The following INTS6L variants were observed in gnomAD, a reference collection of about 807,000 sequenced individuals.
INTS6L encodes the protein integrator complex subunit 6-like.
INTS6L carries 18 observed loss-of-function variants against 64.7 expected under a neutral mutation model. The ratio of observed to expected loss-of-function variants is 0.28; its 90% CI spans 0.19 to 0.41. The LOEUF (loss-of-function observed/expected upper bound fraction) is 0.41. Among genes scored for constraint, INTS6L ranks in the 10% least tolerant of loss-of-function variants. The probability of loss-of-function intolerance (pLI) is 1.00; values close to 1 mark genes in which losing one functional copy is unlikely to be tolerated. For synonymous variants in INTS6L, 227 were observed against 235.9 expected, an observed-to-expected ratio of 0.96 and a Z score of 0.34; for missense variants, 533 against 661.0, an observed-to-expected ratio of 0.81 and a Z score of 2.12.
chrX:135,540,091 T>TA (rs1301935697), intron 2 of INTS6L, among the ~76,000 whole-genome samples: 3 of 112,205 alleles, frequency 2.7e-5, no homozygotes, highest in African/African-American at 6.5e-5. Context: ...ATTCAATTTG[T>TA]AAAAAATGCA....
At chrX:135,549,029 G>A (rs183361393) in intron 6 of INTS6L, among the ~76,000 whole-genome samples, 69 of 111,843 alleles carry the variant, frequency 6.2e-4, no homozygotes, top group Non-Finnish European at 2.1e-4. Flanking sequence ...ATTAGTCCAC[G>A]ATAAACTTGA....
At chrX:135,550,315 G>A (rs1366632151) in intron 7 of INTS6L, among the ~76,000 whole-genome samples, 1 of 111,443 alleles carries the variant, frequency 9.0e-6, no homozygotes, top group African/African-American at 3.3e-5. Flanking sequence ...TTCAATGATG[G>A]GTAATTAAGC....
chrX:135,581,851 C>T lies in INTS6L; in HGVS notation c.*215C>T, dbSNP rs2087378515. On this transcript the variant is annotated 3_prime_UTR_variant, in exon 18 of 18. Coordinates refer to ENST00000639893, the MANE Select transcript of INTS6L (RefSeq NM_001351601.3). Reference sequence around the variant, plus strand: ...AGTATGAATTGTTTTGTTTTGTTTTCCTCAATTGAGGAAGCTGATGTTATT... The same window carrying T: ...AGTATGAATTGTTTTGTTTTGTTTTTCTCAATTGAGGAAGCTGATGTTATT... 2 of 338,572 alleles carry T rather than the reference C, an allele frequency of 5.9e-6. No homozygotes were observed. The highest frequency in any genetic ancestry group is 5.9e-5 in the Admixed American group (1 of 16,993). 27.9% of individuals were successfully genotyped at this position (338,572 alleles called of 1,213,427 possible).
At chrX:135,549,608 T>C in intron 6 of INTS6L, 34 bp from the exon 7 acceptor site, 1 of 1,183,385 alleles carries the variant, frequency 8.5e-7, no homozygotes, top group Non-Finnish European at 1.1e-6. Flanking sequence ...AAAAAGAAAC[T>C]CACGCCTTAG....
At chrX:135,521,216 C>A (rs1556496482) in intron 1 of INTS6L, 25 bp from the exon 2 acceptor site, 4 of 1,201,268 alleles carry the variant, frequency 3.3e-6, no homozygotes, top group African/African-American at 1.8e-5. Flanking sequence ...CTACGCGACC[C>A]CCTCCGTCAT....
At chrX:135,530,030 A>G (rs1343842271) in intron 2 of INTS6L, among the ~76,000 whole-genome samples, 1 of 111,670 alleles carries the variant, frequency 9.0e-6, no homozygotes, top group African/African-American at 3.3e-5. Flanking sequence ...TCTCCTATCA[A>G]TTGTGACAGA....
rs906417449 is a variant in INTS6L at position 135,561,092 on chromosome X, C to T, written c.1192+4792C>T. Among the ~76,000 whole-genome samples, 6 of 106,925 alleles carry T rather than the reference C, an allele frequency of 5.6e-5. No individual in the cohort carries two copies. The East Asian group carries it at 9.1e-4, about 16-fold the overall frequency. The allele number at this position is 106,925 out of a possible 115,157, so 92.9% of individuals were successfully genotyped here. ...CTCAGCCTCCCAAGTAGCTGGATTA[C>T]AGGCATGTACCACCCTGCCTGGCTA... On this transcript the variant is annotated intron_variant, in intron 9 of 17. Transcript: ENST00000639893.
intron 2 of INTS6L, among the ~76,000 whole-genome samples, chrX:135,528,235 G>A (rs1556502339): frequency 8.9e-6 from 1 of 111,914 alleles, no homozygotes; most frequent in East Asian, 2.8e-4. Flanking sequence ...TGGATACAAT[G>A]TTGGAAGTGG....
At chrX:135,560,184 G>T (rs182817923) in intron 9 of INTS6L, among the ~76,000 whole-genome samples, 39 of 111,963 alleles carry the variant, frequency 3.5e-4, no homozygotes, top group African/African-American at 1.3e-3. Flanking sequence ...ATTGCAAATG[G>T]TATTGTATTT....
intron 2 of INTS6L, among the ~76,000 whole-genome samples, chrX:135,526,161 CT>C (rs1365399500): frequency 1.1e-4 from 12 of 111,617 alleles, no homozygotes; most frequent in South Asian, 7.5e-4. Flanking sequence ...TCATTTCTCA[CT>C]TGCAAGCAGC....
chrX:135,549,828 G>T, intron 7 of INTS6L, 23 bp downstream of exon 7: 1 of 1,203,347 alleles, frequency 8.3e-7, no homozygotes, highest in Non-Finnish European at 1.1e-6. Flanking sequence ...AAATAAAAAG[G>T]TAAACATCAT....
intron 2 of INTS6L, among the ~76,000 whole-genome samples, 157 bp from the exon 3 acceptor site, chrX:135,545,266 C>T (rs1480043651): frequency 1.8e-5 from 2 of 112,273 alleles, no homozygotes; most frequent in Non-Finnish European, 3.8e-5. Flanking sequence ...TCCGAAACTG[C>T]TTGCTTTAGT....
rs188674347 is a variant in INTS6L, at chrX:135,560,290, T to C, written c.1192+3990T>C. ...CCTGCAACTTTACTGAGCTCACTTA[T>C]TAGTTGTAGGAGAGTTTTGTAGATT... On this transcript the variant is annotated intron_variant, in intron 9 of 17. Coordinates refer to ENST00000639893, the MANE Select transcript of INTS6L (RefSeq NM_001351601.3). 2.7e-5 allele frequency among the ~76,000 whole-genome samples: 3 copies of C among 112,380 alleles called. No homozygotes were observed. In the Admixed American group the frequency reaches 2.8e-4, roughly 11 times the overall value.
chrX:135,520,848 C>T lies in INTS6L; in HGVS notation c.-145C>T. 1 of 555,655 alleles carries T rather than the reference C, an allele frequency of 1.8e-6. No individual in the cohort carries two copies. The highest frequency in any genetic ancestry group is 2.9e-5 in the South Asian group (1 of 34,900). The allele number at this position is 555,655 out of a possible 1,213,427, so 45.8% of individuals were successfully genotyped here. ...AAGAGGAGGCCAGGAGCGGTCCCATCCGTCCCGTCCCGTCCCGTCTCCCCC... is the reference window on the plus strand; with the variant it reads ...AAGAGGAGGCCAGGAGCGGTCCCATTCGTCCCGTCCCGTCCCGTCTCCCCC... On this transcript the variant is annotated 5_prime_UTR_variant, in exon 1 of 18. Transcript: ENST00000639893.
At chrX:135,552,622 TA>T (rs1569511168) in intron 8 of INTS6L, among the ~76,000 whole-genome samples, 1 of 112,173 alleles carries the variant, frequency 8.9e-6, no homozygotes, top group Non-Finnish European at 1.9e-5. Context: ...CAAATCACAC[TA>T]AAAAATGTGT....
Position 135,556,255 on chromosome X carries a change from C to T in INTS6L, c.1147C>T (p.Leu383Phe), listed in dbSNP as rs1340252554. 8.4e-7 allele frequency: 1 copy of T among 1,196,145 alleles called. No homozygotes were observed. The highest frequency in any genetic ancestry group is 1.8e-5 in the African/African-American group (1 of 56,442). Residue 383 changes from leucine (L) to phenylalanine (F), a missense_variant, in exon 9 of 18, where the codon CTC (leucine) becomes TTC (phenylalanine). Leu to Phe is a conservative substitution (Grantham distance 22). Coordinates refer to ENST00000639893, the MANE Select transcript of INTS6L (RefSeq NM_001351601.3). ...KASTTLTCVNLFVMPYNYPVL... is the reference protein window; with the variant it reads ...KASTTLTCVNFFVMPYNYPVL... ...CAGTACAACTTTAACTTGTGTAAAC[C>T]TCTTTGTGATGCCTTACAACTACCC...
intron 2 of INTS6L, among the ~76,000 whole-genome samples, chrX:135,541,591 G>T (rs1279381589): frequency 8.9e-6 from 1 of 112,066 alleles, no homozygotes; most frequent in Non-Finnish European, 1.9e-5. Context: ...ACATAAACAA[G>T]ACATAACTAT....
intron 9 of INTS6L, among the ~76,000 whole-genome samples, chrX:135,557,234 A>G (rs1187650273): frequency 2.7e-5 from 3 of 111,946 alleles, no homozygotes; most frequent in African/African-American, 6.5e-5. Context: ...TAAGACAGCC[A>G]GTAAAAAAGT....
intron 14 of INTS6L, among the ~76,000 whole-genome samples, chrX:135,576,868 A>G (rs183200534): frequency 3.7e-4 from 42 of 112,483 alleles, no homozygotes; most frequent in African/African-American, 1.2e-3. Context: ...CTTATTTGCA[A>G]ACTTTCTGAT....
Sources: gnomAD v4.1 joint callset for allele counts (sites outside exome capture counted in the v4.1 genomes callset) on GRCh38, gnomAD v4.1.1 for gene constraint, MANE v1.5 for transcripts, NCBI Gene and HGNC (gene_info 2026-07-23, HGNC 2026-07-21) for gene names.